The following PRKN variants were observed in gnomAD, a reference collection of about 807,000 sequenced individuals.
The protein encoded by PRKN is parkin RBR E3 ubiquitin protein ligase.
Under a neutral mutation model 59.5 loss-of-function variants are expected in PRKN, and 56 were observed. The ratio of observed to expected loss-of-function variants is 0.94; its 90% CI spans 0.76 to 1.18. PRKN has a LOEUF of 1.18. Ranked by LOEUF, PRKN falls within the 50% of genes most tolerant of loss-of-function variation. The pLI is 0.00. For synonymous variants in PRKN, 250 were observed against 222.1 expected, an observed-to-expected ratio of 1.13 and a Z score of -1.12; for missense variants, 657 against 596.4, an observed-to-expected ratio of 1.10 and a Z score of -1.06.
chr6:162,581,503 G>A (rs963877628), intron 1 of PRKN, among the ~76,000 whole-genome samples: 1 of 152,272 alleles, frequency 6.6e-6, no homozygotes, highest in Non-Finnish European at 1.5e-5. Context: ...GCTCACGCCT[G>A]TAATCCCGGC....
chr6:161,570,140 A>ATATAT (rs1358601920), intron 7 of PRKN, among the ~76,000 whole-genome samples: 12 of 133,400 alleles, frequency 9.0e-5, no homozygotes, highest in South Asian at 2.2e-4. Flanking sequence ...AAAAAAAAAA[A>ATATAT]AAAAAAATAT....
intron 2 of PRKN, among the ~76,000 whole-genome samples, chr6:162,412,993 G>A (rs888973509): frequency 1.3e-5 from 2 of 152,086 alleles, no homozygotes; most frequent in African/African-American, 4.8e-5. Context: ...GCAATGTATT[G>A]TGATATGTTT....
At chr6:162,061,966 C>T (rs2128287970) in intron 4 of PRKN, among the ~76,000 whole-genome samples, 1 of 152,244 alleles carries the variant, frequency 6.6e-6, no homozygotes, top group South Asian at 2.1e-4. Context: ...ACTGTTGGTG[C>T]AAATGGAAAA....
rs950374593 is a variant in PRKN at position 161,499,840 on chromosome 6, T to A, written c.1083+49014A>T. On this transcript the variant is annotated intron_variant, in intron 9 of 11. Coordinates refer to ENST00000366898, the MANE Select transcript of PRKN (RefSeq NM_004562.3). This position sits in a 1 kb window ranked among gnomAD's most constrained non-coding sequence, Gnocchi z 4.2. ...TTGAAAGACCCTTCAGAAGGTAGAA[T>A]TTGGATGCCAAAATGCTATGATTTC... Among the ~76,000 whole-genome samples, 1 of 152,216 alleles carries A rather than the reference T, an allele frequency of 6.6e-6. No homozygotes were observed. Among genetic ancestry groups the A allele is most frequent in the Non-Finnish European group, 1.5e-5 (1 of 68,032 alleles).
intron 6 of PRKN, among the ~76,000 whole-genome samples, chr6:161,825,734 C>A (rs936261177): frequency 7.2e-5 from 11 of 152,188 alleles, no homozygotes; most frequent in Non-Finnish European, 1.5e-4. Flanking sequence ...CCGGGACACA[C>A]CTTCATCCAT....
At chr6:162,396,132 T>C (rs1367339192) in intron 2 of PRKN, among the ~76,000 whole-genome samples, 1 of 150,424 alleles carries the variant, frequency 6.6e-6, no homozygotes, top group Non-Finnish European at 1.5e-5. Context: ...GCAGAGCTTT[T>C]GTTTTCACTT....
intron 4 of PRKN, among the ~76,000 whole-genome samples, chr6:162,082,951 A>G (rs1223020133): frequency 1.3e-5 from 2 of 152,128 alleles, no homozygotes; most frequent in African/African-American, 2.4e-5. Flanking sequence ...TAAAATTATT[A>G]GAATAAATTT....
chr6:162,427,574 T>A (rs1789295944), intron 2 of PRKN, among the ~76,000 whole-genome samples: 1 of 152,164 alleles, frequency 6.6e-6, no homozygotes, highest in African/African-American at 2.4e-5. Context: ...TAACATCATA[T>A]CATTTATTTA....
intron 6 of PRKN, among the ~76,000 whole-genome samples, chr6:161,798,369 G>T (rs956024324): frequency 6.6e-6 from 1 of 152,188 alleles, no homozygotes; most frequent in African/African-American, 2.4e-5. Context: ...GTGTGAGCCG[G>T]CTGCAGCATT....
chr6:162,626,018 T>C (rs965553347), intron 1 of PRKN, among the ~76,000 whole-genome samples: 1 of 152,138 alleles, frequency 6.6e-6, no homozygotes, highest in African/African-American at 2.4e-5. Context: ...AATGACTTAT[T>C]TACAACTGGG....
At chr6:161,823,076 A>G (rs2128216779) in intron 6 of PRKN, among the ~76,000 whole-genome samples, 3 of 151,606 alleles carry the variant, frequency 2.0e-5, no homozygotes, top group Middle Eastern at 3.5e-3. Context: ...CTGGGACGAG[A>G]AGCACATGCT....
At chr6:161,870,851 T>C (rs1277925990) in intron 6 of PRKN, among the ~76,000 whole-genome samples, 3 of 152,170 alleles carry the variant, frequency 2.0e-5, no homozygotes. Flanking sequence ...AGAATGTTTT[T>C]AGAGGTAACT....
At chr6:161,695,656 G>C (rs1350839121) in intron 7 of PRKN, among the ~76,000 whole-genome samples, 1 of 152,182 alleles carries the variant, frequency 6.6e-6, no homozygotes, top group African/African-American at 2.4e-5. Flanking sequence ...CATCTTTGTA[G>C]AGCAGAAGTC....
At chr6:161,818,141 A>G (rs920097740) in intron 6 of PRKN, among the ~76,000 whole-genome samples, 25 of 152,084 alleles carry the variant, frequency 1.6e-4, no homozygotes, top group African/African-American at 5.8e-4. Context: ...GGGGAAATGG[A>G]CAGCTGTGAG....
intron 1 of PRKN, among the ~76,000 whole-genome samples, chr6:162,651,104 G>C (rs149581492): frequency 1.5e-3 from 233 of 152,212 alleles, no homozygotes; most frequent in African/African-American, 5.4e-3. Flanking sequence ...TCAACTGAGA[G>C]CAACCACAAT....
At position 162,021,008 on chromosome 6, in the gene PRKN, CAGG is replaced by C. The variant is rs1445036063; in HGVS notation, c.618+33080_618+33082del. Among the ~76,000 whole-genome samples, 64 of 149,058 alleles carry C rather than the reference CAGG, an allele frequency of 4.3e-4. 1 individual carries two copies. In the Middle Eastern group the frequency reaches 0.021, roughly 48 times the overall value. On this transcript the variant is annotated intron_variant, in intron 5 of 11. Transcript: ENST00000366898. Reference sequence around the variant, plus strand: ...ATCCCAGCTACTCAGGAGGCTGAGGCAGGAGAATTGCTTGAATCCGGGAGGTGG... The same window carrying C: ...ATCCCAGCTACTCAGGAGGCTGAGGCAGAATTGCTTGAATCCGGGAGGTGG...
At chr6:162,426,166 T>C (rs1315407955) in intron 2 of PRKN, among the ~76,000 whole-genome samples, 1 of 152,202 alleles carries the variant, frequency 6.6e-6, no homozygotes, top group Non-Finnish European at 1.5e-5. Flanking sequence ...TGAAATGCCT[T>C]GTCAGATACC....
At chr6:161,988,570 C>T (rs1781526181) in intron 5 of PRKN, among the ~76,000 whole-genome samples, 1 of 151,702 alleles carries the variant, frequency 6.6e-6, no homozygotes, top group African/African-American at 2.4e-5. Context: ...TAAAGTGTTT[C>T]AATCAGGTTT....
At chr6:162,391,379 G>T (rs926701640) in intron 2 of PRKN, among the ~76,000 whole-genome samples, 19 of 149,028 alleles carry the variant, frequency 1.3e-4, no homozygotes, top group Non-Finnish European at 8.9e-5. Flanking sequence ...TTCTTACTGC[G>T]CATGCTTGAC....
Sources: gnomAD v4.1 joint callset for allele counts (sites outside exome capture counted in the v4.1 genomes callset) on GRCh38, gnomAD v4.1.1 for gene constraint, Gnocchi (gnomAD v3.1) non-coding constraint, MANE v1.5 for transcripts, NCBI Gene and HGNC (gene_info 2026-07-23, HGNC 2026-07-21) for gene names.